The following NRXN3 variants were observed in gnomAD, a reference collection of about 807,000 sequenced individuals.
NRXN3 encodes the protein neurexin III.
Under a neutral mutation model 137.6 loss-of-function variants are expected in NRXN3, and 32 were observed. The observed-to-expected ratio is 0.23, with a 90% CI of 0.18 to 0.31. The LOEUF (loss-of-function observed/expected upper bound fraction) is 0.31, where lower values mean the gene tolerates loss of function less well. NRXN3 is among the 10% of genes least tolerant of loss of function. NRXN3 has a pLI of 1.00. For synonymous variants in NRXN3, 798 were observed against 784.5 expected, an observed-to-expected ratio of 1.02 and a Z score of -0.29; for missense variants, 1,574 against 2,062.5, an observed-to-expected ratio of 0.76 and a Z score of 4.59.
intron 4 of NRXN3, among the ~76,000 whole-genome samples, chr14:78,420,114 T>C (rs928040767): frequency 1.3e-5 from 2 of 152,108 alleles, no homozygotes; most frequent in African/African-American, 4.8e-5. Flanking sequence ...AAAATGGGGT[T>C]ATTTGTCCCA....
intron 15 of NRXN3, among the ~76,000 whole-genome samples, chr14:79,291,687 A>T (rs1269180598): frequency 6.7e-6 from 1 of 148,700 alleles, no homozygotes; most frequent in Non-Finnish European, 1.5e-5. Flanking sequence ...TATATTACCT[A>T]TAAGTATATA....
At chr14:79,618,533 C>CT (rs58444411) in intron 16 of NRXN3, among the ~76,000 whole-genome samples, 10,549 of 152,036 alleles carry the variant, frequency 0.069, 1,227 homozygotes, top group African/African-American at 0.24. Flanking sequence ...ATTCATTTTT[C>CT]TTTTCTGTGG....
At chr14:79,621,003 A>C (rs780858948) in intron 16 of NRXN3, among the ~76,000 whole-genome samples, 10 of 152,136 alleles carry the variant, frequency 6.6e-5, no homozygotes, top group Non-Finnish European at 1.2e-4. Context: ...AGGCCAAAAA[A>C]AGTGTAACCC....
chr14:79,741,409 A>C (rs1335100804), intron 19 of NRXN3, among the ~76,000 whole-genome samples: 1 of 152,112 alleles, frequency 6.6e-6, no homozygotes, highest in Non-Finnish European at 1.5e-5. Flanking sequence ...TAAAATTTCA[A>C]GAAATATATC....
intron 4 of NRXN3, among the ~76,000 whole-genome samples, chr14:78,547,822 A>C (rs1322542964): frequency 6.6e-6 from 1 of 152,126 alleles, no homozygotes; most frequent in Non-Finnish European, 1.5e-5. Context: ...TTATATATAA[A>C]TCAGTAGGAA....
At chr14:78,326,819 A>G (rs562880285) in intron 4 of NRXN3, among the ~76,000 whole-genome samples, 2 of 152,054 alleles carry the variant, frequency 1.3e-5, no homozygotes, top group East Asian at 3.9e-4. Flanking sequence ...TCTTTGTTCT[A>G]GTGGAGGAGA....
chr14:78,175,189 G>GAA (rs113592441), intron 1 of NRXN3, among the ~76,000 whole-genome samples: 11 of 152,114 alleles, frequency 7.2e-5, no homozygotes, highest in African/African-American at 2.2e-4. Flanking sequence ...TTGCCTAAAA[G>GAA]AAAAAAATCA....
chr14:78,227,944 T>C (rs181819156), intron 1 of NRXN3, among the ~76,000 whole-genome samples: 1 of 152,210 alleles, frequency 6.6e-6, no homozygotes, highest in East Asian at 1.9e-4. Context: ...AATATGAAAA[T>C]GCTTTTCAGG....
Position 79,797,944 on chromosome 14 carries a change from A to G in NRXN3, c.4015-7168A>G, listed in dbSNP as rs186572640. On this transcript the variant is annotated intron_variant, in intron 19 of 20. Coordinates refer to ENST00000335750, the MANE Select transcript of NRXN3 (RefSeq NM_001330195.2). ...CCTGTCTCTACAAAAAAATAAAAAT[A>G]AATAAATTATTCAGGTGTGGTGGCG... Among the ~76,000 whole-genome samples, 147 of 152,150 alleles carry G rather than the reference A, an allele frequency of 9.7e-4. 1 individual carries two copies. Among genetic ancestry groups the G allele is most frequent in the Middle Eastern group, 3.4e-3 (1 of 294 alleles).
chr14:78,176,741 T>C (rs1298524219), intron 1 of NRXN3, among the ~76,000 whole-genome samples: 1 of 152,148 alleles, frequency 6.6e-6, no homozygotes, highest in African/African-American at 2.4e-5. Flanking sequence ...TTCTACTCCA[T>C]CATGCTGCCT....
At chr14:78,533,371 T>C (rs1341277326) in intron 4 of NRXN3, among the ~76,000 whole-genome samples, 1 of 152,096 alleles carries the variant, frequency 6.6e-6, no homozygotes, top group Non-Finnish European at 1.5e-5. Context: ...TCTAGTTGTT[T>C]ATCCTCCTGT....
At chr14:79,461,570 C>T (rs996487709) in intron 15 of NRXN3, among the ~76,000 whole-genome samples, 18 of 152,222 alleles carry the variant, frequency 1.2e-4, no homozygotes, top group African/African-American at 3.6e-4. Flanking sequence ...TCAGATATTA[C>T]GAGATCCTTC....
chr14:79,149,993 G>A (rs755611830), intron 15 of NRXN3, among the ~76,000 whole-genome samples: 1 of 152,058 alleles, frequency 6.6e-6, no homozygotes, highest in African/African-American at 2.4e-5. Flanking sequence ...TCCTGCACAT[G>A]TACCGTGGAA....
chr14:78,809,460 G>A (rs1023894015), intron 9 of NRXN3, among the ~76,000 whole-genome samples: 4 of 152,138 alleles, frequency 2.6e-5, no homozygotes, highest in Non-Finnish European at 4.4e-5. Flanking sequence ...TGGGCTGCGC[G>A]AGGGGGTTGA....
intron 1 of NRXN3, among the ~76,000 whole-genome samples, chr14:78,194,411 TGA>T (rs1195703863): frequency 8.5e-5 from 13 of 152,220 alleles, no homozygotes; most frequent in Admixed American, 3.3e-4. Context: ...GCCACCTGTG[TGA>T]GTCTTTTGAT....
rs953849782 is a variant in NRXN3 at position 78,491,316 on chromosome 14, TCAAGTC to T, written c.758-153802_758-153797del. ...GGAGGGAAAAGGGATGAGATTCTGG[TCAAGTC>T]CTTCCTGCCACTACCATGTGGCCAA... On this transcript the variant is annotated intron_variant, in intron 4 of 20. Coordinates refer to ENST00000335750, the MANE Select transcript of NRXN3 (RefSeq NM_001330195.2). 3.9e-5 allele frequency among the ~76,000 whole-genome samples: 6 copies of T among 152,166 alleles called. No homozygotes were observed. The South Asian group carries it at 8.3e-4, about 21-fold the overall frequency.
chr14:78,375,648 A>T (rs926327861), intron 4 of NRXN3, among the ~76,000 whole-genome samples: 3 of 152,202 alleles, frequency 2.0e-5, no homozygotes, highest in African/African-American at 4.8e-5. Flanking sequence ...GGTAAATGTT[A>T]AGTGCTGTGA....
At chr14:78,190,159 A>G (rs1317098055) in intron 1 of NRXN3, among the ~76,000 whole-genome samples, 1 of 152,208 alleles carries the variant, frequency 6.6e-6, no homozygotes, top group African/African-American at 2.4e-5. Context: ...CAATTGAGGC[A>G]CATTGTTACA....
At chr14:79,525,592 C>T (rs2097111247) in intron 16 of NRXN3, among the ~76,000 whole-genome samples, 1 of 152,204 alleles carries the variant, frequency 6.6e-6, no homozygotes, top group East Asian at 1.9e-4. Context: ...AAAATATACT[C>T]TTTGCATATC....
Sources: gnomAD v4.1 joint callset for allele counts (sites outside exome capture counted in the v4.1 genomes callset) on GRCh38, gnomAD v4.1.1 for gene constraint, MANE v1.5 for transcripts, NCBI Gene and HGNC (gene_info 2026-07-23, HGNC 2026-07-21) for gene names.